Variants in CSNK1G2 observed in about 807,000 individuals in gnomAD.
CSNK1G2 encodes the protein casein kinase I isoform gamma-2.
A neutral mutation model predicts 48.0 loss-of-function variants in CSNK1G2; 11 were observed. The observed-to-expected ratio is 0.23, with a 90% CI of 0.14 to 0.38. The LOEUF (loss-of-function observed/expected upper bound fraction) is 0.38. CSNK1G2 is among the 10% of genes least tolerant of loss of function. The pLI, the probability that CSNK1G2 is intolerant of heterozygous loss-of-function variation, is 1.00. For missense variants in CSNK1G2, 446 were observed against 595.5 expected (o/e 0.75, Z 2.61); for synonymous variants, 337 against 254.1 (o/e 1.33, Z -3.10).
At chr19:1,970,888 C>T (rs947009496) in intron 2 of CSNK1G2, among the ~76,000 whole-genome samples, 2 of 151,208 alleles carry the variant, frequency 1.3e-5, no homozygotes, top group Non-Finnish European at 3.0e-5. Flanking sequence ...CCATGGCAGG[C>T]GGTGCCCATG....
intron 1 of CSNK1G2, among the ~76,000 whole-genome samples, chr19:1,966,805 C>T (rs1297801277): frequency 1.3e-5 from 2 of 152,294 alleles, no homozygotes; most frequent in South Asian, 2.1e-4. Flanking sequence ...GACCCTTCTC[C>T]GGGGAGATTA....
intron 2 of CSNK1G2, chr19:1,974,580 G>C (rs1452845338): frequency 1.3e-5 from 2 of 152,260 alleles, no homozygotes; most frequent in Admixed American, 1.3e-4. Context: ...CTCACCTGTG[G>C]GACAGCCTCA....
At chr19:1,969,234 C>T (rs2015481843) in intron 1 of CSNK1G2, among the ~76,000 whole-genome samples, 1 of 134,154 alleles carries the variant, frequency 7.5e-6, no homozygotes, top group Non-Finnish European at 1.6e-5. Flanking sequence ...GCCACCCACC[C>T]ACCCACCCAC....
intron 1 of CSNK1G2, among the ~76,000 whole-genome samples, chr19:1,967,221 G>A (rs1281479619): frequency 6.6e-6 from 1 of 152,190 alleles, no homozygotes; most frequent in Non-Finnish European, 1.5e-5. Context: ...GCCACATCCA[G>A]GGGGGCAGTG....
intron 1 of CSNK1G2, among the ~76,000 whole-genome samples, chr19:1,958,525 TCCCCTGTC>T: frequency 1.0e-5 from 1 of 99,160 alleles, no homozygotes; most frequent in African/African-American, 3.9e-5. Flanking sequence ...CCAGGCACTG[TCCCCTGTC>T]CCTCCGTCCC....
At chr19:1,961,662 G>A (rs890037377) in intron 1 of CSNK1G2, among the ~76,000 whole-genome samples, 3 of 152,238 alleles carry the variant, frequency 2.0e-5, no homozygotes, top group African/African-American at 7.2e-5. Context: ...AGCTGCGGTG[G>A]GGGGTGGGGG....
At chr19:1,951,271 C>G (rs371098422) in intron 1 of CSNK1G2, among the ~76,000 whole-genome samples, 1 of 144,474 alleles carries the variant, frequency 6.9e-6, no homozygotes, top group African/African-American at 2.7e-5. Flanking sequence ...GGCGTGGTGG[C>G]GGGCGCCTGT....
chr19:1,980,560 G>A lies in CSNK1G2; in HGVS notation c.*357G>A, dbSNP rs1016293675. 6.5e-6 allele frequency: 2 copies of A among 307,514 alleles called. No homozygotes were observed. Among genetic ancestry groups the A allele is most frequent in the African/African-American group, 2.2e-5 (1 of 44,540 alleles). 19.0% of individuals were successfully genotyped at this position (307,514 alleles called of 1,614,324 possible). ...GTAGTGTGATCCTGGAGGCCCCCCG[G>A]CCTGGCCCCGCCCCGCCAGCCGCCC... On this transcript the variant is annotated 3_prime_UTR_variant, in exon 12 of 12. Transcript: ENST00000255641.
chr19:1,969,728 C>A lies in CSNK1G2; in HGVS notation c.-45C>A. 1 of 1,251,526 alleles carries A rather than the reference C, an allele frequency of 8.0e-7. No individual in the cohort carries two copies. The highest frequency in any genetic ancestry group is 1.0e-6 in the Non-Finnish European group (1 of 987,802). The allele number at this position is 1,251,526 out of a possible 1,614,324, so 77.5% of individuals were successfully genotyped here. On this transcript the variant is annotated 5_prime_UTR_variant, in exon 2 of 12. Transcript: ENST00000255641. The stretch of plus-strand genomic sequence containing the variant: ...CAGGTTTCCAGAGACTTGGGATTTG[C>A]ACGGCAGCAGAGTCACCGTGGAGAG...
chr19:1,980,284 C>G lies in CSNK1G2; in HGVS notation c.*81C>G. ...CTTGTGCGAGGCCCTCGGGGCCCAC[C>G]CACAGCGGCCCAGGGCCAGACCCTG... On this transcript the variant is annotated 3_prime_UTR_variant, in exon 12 of 12. Transcript: ENST00000255641. The G allele has an allele frequency of 6.5e-7, 1 of 1,537,450 alleles. No individual in the cohort carries two copies. Among genetic ancestry groups the G allele is most frequent in the Non-Finnish European group, 9.0e-7 (1 of 1,115,858 alleles).
chr19:1,971,894 C>T (rs1031450927), intron 2 of CSNK1G2, among the ~76,000 whole-genome samples: 4 of 152,136 alleles, frequency 2.6e-5, no homozygotes, highest in South Asian at 2.1e-4. Context: ...CTCAGCCTCC[C>T]GAGTAGCTGG....
In CSNK1G2 at chr19:1,957,777, G is replaced by T. The variant is rs528699732; in HGVS notation, c.-265-11731G>T. Among the ~76,000 whole-genome samples the T allele has an allele frequency of 1.3e-5, 2 of 149,524 alleles. No homozygotes were observed. The highest frequency in any genetic ancestry group is 2.5e-5 in the African/African-American group (1 of 40,542). Reference sequence around the variant, plus strand: ...CCTGGAAACACTGGGGTGTGTGCTCGGTGGGTGCCGTGTGTGGGGGGTATG... The same window carrying T: ...CCTGGAAACACTGGGGTGTGTGCTCTGTGGGTGCCGTGTGTGGGGGGTATG... On this transcript the variant is annotated intron_variant, in intron 1 of 11. Coordinates refer to ENST00000255641, the MANE Select transcript of CSNK1G2 (RefSeq NM_001319.7). This position sits in a 1 kb window ranked among gnomAD's most constrained non-coding sequence, Gnocchi z 5.4.
rs201854130 is a variant in CSNK1G2, at chr19:1,969,965, G to T, written c.187+6G>T. ...CTTCGGGGAGCTCCGCCTAGGTGAGGCCCTGCTCGGTGGTAGGTGGGGTCG... is the reference window on the plus strand; with the variant it reads ...CTTCGGGGAGCTCCGCCTAGGTGAGTCCCTGCTCGGTGGTAGGTGGGGTCG... On this transcript the variant is annotated splice_donor_region_variant and intron_variant, in intron 2 of 11. Coordinates refer to ENST00000255641, the MANE Select transcript of CSNK1G2 (RefSeq NM_001319.7). The T allele has an allele frequency of 3.1e-6, 4 of 1,304,252 alleles. No individual in the cohort carries two copies. The highest frequency in any genetic ancestry group is 2.9e-6 in the Non-Finnish European group (3 of 1,021,390). 80.8% of individuals were successfully genotyped at this position (1,304,252 alleles called of 1,614,324 possible).
chr19:1,960,591 G>A (rs1568191134), intron 1 of CSNK1G2, among the ~76,000 whole-genome samples: 4 of 152,202 alleles, frequency 2.6e-5, no homozygotes. Flanking sequence ...TTGTGGGCTG[G>A]AAAATCTAAT....
rs2015865347 is a variant in CSNK1G2 at position 1,978,935 on chromosome 19, G to A, written c.524G>A (p.Arg175His). 3 of 1,601,972 alleles carry A rather than the reference G, an allele frequency of 1.9e-6. No homozygotes were observed. The highest frequency in any genetic ancestry group is 2.5e-6 in the Non-Finnish European group (3 of 1,179,642). Residue 175 changes from arginine (R) to histidine (H), a missense_variant, in exon 6 of 12, where the codon CGC (arginine) becomes CAC (histidine). Transcript: ENST00000255641. This position sits in a 1 kb window ranked among gnomAD's most constrained non-coding sequence, Gnocchi z 7.3. The stretch of plus-strand genomic sequence containing the variant: ...AAGCCCGAGAACTTCCTGGTGGGCC[G>A]CCCGGGGACCAAGCGGCAGCATGCC... ...DVKPENFLVG[R>H]PGTKRQHAIH...
intron 1 of CSNK1G2, among the ~76,000 whole-genome samples, chr19:1,968,411 C>T (rs1274496423): frequency 6.6e-6 from 1 of 152,200 alleles, no homozygotes; most frequent in Non-Finnish European, 1.5e-5. Flanking sequence ...TGGGGACCGT[C>T]CTGCCTCCCG....
chr19:1,956,447 G>A (rs2015002129), intron 1 of CSNK1G2, among the ~76,000 whole-genome samples: 1 of 152,178 alleles, frequency 6.6e-6, no homozygotes, highest in African/African-American at 2.4e-5. Context: ...AACTCGGGAG[G>A]CGGAGGTTGT....
chr19:1,963,869 T>G (rs1435847833), intron 1 of CSNK1G2, among the ~76,000 whole-genome samples: 4 of 144,696 alleles, frequency 2.8e-5, no homozygotes, highest in Non-Finnish European at 3.0e-5. Context: ...CAGGCTGGAG[T>G]GCAATGGCAC....
At chr19:1,956,774 G>T (rs552063367) in intron 1 of CSNK1G2, among the ~76,000 whole-genome samples, 1 of 152,208 alleles carries the variant, frequency 6.6e-6, no homozygotes, top group Non-Finnish European at 1.5e-5. Context: ...ACCCACATCC[G>T]TGGGGGCTGT....
Sources: allele counts gnomAD v4.1 joint callset (sites outside exome capture counted in the v4.1 genomes callset), GRCh38; gene constraint gnomAD v4.1.1; non-coding constraint Gnocchi (gnomAD v3.1); transcripts MANE v1.5; gene names NCBI Gene and HGNC (gene_info 2026-07-23, HGNC 2026-07-21).